Variants in YTHDF2 observed in about 807,000 individuals in gnomAD.
YTHDF2 encodes the protein YTH N6-methyladenosine RNA binding protein F2.
A neutral mutation model predicts 50.4 loss-of-function variants in YTHDF2; 2 were observed. The ratio of observed to expected loss-of-function variants is 0.04; its 90% CI spans 0.02 to 0.12. YTHDF2 has a LOEUF of 0.12. Ranked by LOEUF, YTHDF2 falls within the 10% of genes least tolerant of loss-of-function variation. The probability of loss-of-function intolerance (pLI) is 1.00; values close to 1 mark genes in which losing one functional copy is unlikely to be tolerated. For synonymous variants in YTHDF2, 217 were observed against 255.6 expected, an observed-to-expected ratio of 0.85 and a Z score of 1.44; for missense variants, 483 against 722.6, an observed-to-expected ratio of 0.67 and a Z score of 3.80.
chr1:28,737,035 C>G lies in YTHDF2; in HGVS notation c.-86C>G. 1 of 1,522,250 alleles carries G rather than the reference C, an allele frequency of 6.6e-7. No individual in the cohort carries two copies. Among genetic ancestry groups the G allele is most frequent in the African/African-American group, 1.4e-5 (1 of 71,522 alleles). The allele number at this position is 1,522,250 out of a possible 1,614,324, so 94.3% of individuals were successfully genotyped here. A position where few individuals can be genotyped will look rare whatever the true frequency, so the allele number is the denominator to read the frequency against. On this transcript the variant is annotated 5_prime_UTR_variant, in exon 1 of 5. Transcript: ENST00000373812. ...GAGTGTCAGGGACAAAAGCCTCCGC[C>G]TGCTCCCGCAGACGGGGCTCATCTG...
chr1:28,762,753 C>G (rs187835115), intron 4 of YTHDF2, among the ~76,000 whole-genome samples: 3 of 152,276 alleles, frequency 2.0e-5, no homozygotes, highest in Non-Finnish European at 4.4e-5. Context: ...GAAGAGATTG[C>G]ATATGTGCAG....
At chr1:28,764,774 C>T (rs967460384) in intron 4 of YTHDF2, among the ~76,000 whole-genome samples, 1 of 151,878 alleles carries the variant, frequency 6.6e-6, no homozygotes, top group Non-Finnish European at 1.5e-5. Context: ...AACTCCTGAC[C>T]TCAGGTGATC....
intron 4 of YTHDF2, among the ~76,000 whole-genome samples, chr1:28,763,339 C>T (rs1320176955): frequency 2.6e-5 from 4 of 151,838 alleles, no homozygotes; most frequent in African/African-American, 9.7e-5. Flanking sequence ...AGTGGCGTGA[C>T]CTTGGCTCGC....
At chr1:28,738,877 C>G (rs1369433486) in intron 3 of YTHDF2, among the ~76,000 whole-genome samples, 1 of 152,110 alleles carries the variant, frequency 6.6e-6, no homozygotes, top group Non-Finnish European at 1.5e-5. Context: ...GTTGAGATTC[C>G]CATCTCTGTA....
At chr1:28,764,898 A>G (rs765440644) in intron 4 of YTHDF2, among the ~76,000 whole-genome samples, 6 of 151,256 alleles carry the variant, frequency 4.0e-5, no homozygotes, top group African/African-American at 7.3e-5. Context: ...AGGTCTCGCT[A>G]TGTTCTCTAG....
At chr1:28,761,547 G>T (rs1256128934) in intron 4 of YTHDF2, among the ~76,000 whole-genome samples, 1 of 152,132 alleles carries the variant, frequency 6.6e-6, no homozygotes, top group Non-Finnish European at 1.5e-5. Context: ...AGACCATCCT[G>T]ACCAACATGG....
rs555996207 is a variant in YTHDF2, at chr1:28,737,428, C to T, written c.28-230C>T. ...TGTTTCCTTCCCCTTCCTTAAAGCC[C>T]TGGGTTCCTCGCGTCGCCGGTGGCG... On this transcript the variant is annotated intron_variant, in intron 1 of 4. Transcript: ENST00000373812. 9 of 656,948 alleles carry T rather than the reference C, an allele frequency of 1.4e-5. No homozygotes were observed. In the East Asian group the frequency reaches 2.1e-4, roughly 16 times the overall value. The allele number at this position is 656,948 out of a possible 1,614,324, so 40.7% of individuals were successfully genotyped here.
At chr1:28,755,553 T>G (rs2088024748) in intron 4 of YTHDF2, among the ~76,000 whole-genome samples, 1 of 152,184 alleles carries the variant, frequency 6.6e-6, no homozygotes, top group African/African-American at 2.4e-5. Context: ...AAGCTGGTGT[T>G]CTAATTCTGC....
intron 1 of YTHDF2, 57 bp downstream of exon 1, chr1:28,737,204 A>G (rs1037795956): frequency 6.0e-5 from 91 of 1,505,086 alleles, no homozygotes; most frequent in Non-Finnish European, 7.8e-5. Flanking sequence ...GAGCCCGACT[A>G]GGCCCGGGCC....
chr1:28,737,556 C>A (rs2087713214), intron 1 of YTHDF2, 102 bp from the exon 2 acceptor site: 1 of 1,530,156 alleles, frequency 6.5e-7, no homozygotes, highest in Non-Finnish European at 9.0e-7. Context: ...CCCCTCGGGC[C>A]TGCTCCTTTA....
upstream of YTHDF2, chr1:28,736,886 TG>T: frequency 5.1e-6 from 2 of 391,784 alleles, no homozygotes. Flanking sequence ...CTTTAGGCGG[TG>T]GGGGGCGGGC....
intron 4 of YTHDF2, among the ~76,000 whole-genome samples, chr1:28,766,638 T>G (rs1279748088): frequency 6.6e-6 from 1 of 152,134 alleles, no homozygotes; most frequent in Non-Finnish European, 1.5e-5. Context: ...AAATAACTTG[T>G]TTCTCATCAA....
intron 4 of YTHDF2, among the ~76,000 whole-genome samples, chr1:28,744,942 G>A (rs1237296530): frequency 6.6e-6 from 1 of 152,192 alleles, no homozygotes; most frequent in Non-Finnish European, 1.5e-5. Flanking sequence ...TGGGATTACA[G>A]GTGTGAGCCA....
At position 28,746,786 on chromosome 1, in the gene YTHDF2, T is replaced by C. The variant is rs563659634; in HGVS notation, c.1716+2800T>C. Among the ~76,000 whole-genome samples, 10 of 151,464 alleles carry C rather than the reference T, an allele frequency of 6.6e-5. No individual in the cohort carries two copies. The South Asian group carries it at 2.1e-3, about 32-fold the overall frequency. ...ACAAACAAGTAGCAAATTTAGGTTT[T>C]GTTAATTTAGCTTTTGGCCAGGCTC... On this transcript the variant is annotated intron_variant, in intron 4 of 4. Coordinates refer to ENST00000373812, the MANE Select transcript of YTHDF2 (RefSeq NM_016258.3).
intron 4 of YTHDF2, among the ~76,000 whole-genome samples, chr1:28,744,359 C>A (rs761408461): frequency 6.6e-6 from 1 of 152,252 alleles, no homozygotes; most frequent in South Asian, 2.1e-4. Context: ...AGAGAAAAAT[C>A]GAAATGTTCT....
chr1:28,758,093 A>G (rs1040025354), intron 4 of YTHDF2, among the ~76,000 whole-genome samples: 5 of 152,270 alleles, frequency 3.3e-5, no homozygotes, highest in Admixed American at 2.6e-4. Context: ...AGGCCATGCT[A>G]TATCTTCATA....
At chr1:28,741,293 C>T (rs889406543) in intron 3 of YTHDF2, among the ~76,000 whole-genome samples, 6 of 151,730 alleles carry the variant, frequency 4.0e-5, no homozygotes, top group African/African-American at 4.8e-5. Flanking sequence ...CCACTGTGCC[C>T]GGCCTGTTTT....
At chr1:28,760,768 CAG>C (rs1301860741) in intron 4 of YTHDF2, among the ~76,000 whole-genome samples, 1 of 152,064 alleles carries the variant, frequency 6.6e-6, no homozygotes, top group Non-Finnish European at 1.5e-5. Context: ...ATGGTAGAGA[CAG>C]GGTTTCACCA....
chr1:28,757,983 A>G (rs1380434113), intron 4 of YTHDF2, among the ~76,000 whole-genome samples: 1 of 152,188 alleles, frequency 6.6e-6, no homozygotes, highest in Non-Finnish European at 1.5e-5. Flanking sequence ...GATTATCTTC[A>G]TCTTCCAAGT....
Sources: allele counts gnomAD v4.1 joint callset (sites outside exome capture counted in the v4.1 genomes callset), GRCh38; gene constraint gnomAD v4.1.1; transcripts MANE v1.5; gene names NCBI Gene and HGNC (gene_info 2026-07-23, HGNC 2026-07-21).